FAM227B: variants seen among roughly 807,000 people sequenced by gnomAD.
FAM227B encodes protein FAM227B.
FAM227B carries 88 observed loss-of-function variants against 73.8 expected under a neutral mutation model. The observed-to-expected ratio is 1.19, with a 90% CI of 1.00 to 1.42. FAM227B has a LOEUF of 1.42. FAM227B is among the 40% of genes most tolerant of loss of function. The pLI, the probability that FAM227B is intolerant of heterozygous loss-of-function variation, is 0.00. For synonymous variants in FAM227B, 210 were observed against 190.5 expected, an observed-to-expected ratio of 1.10 and a Z score of -0.84; for missense variants, 632 against 590.9, an observed-to-expected ratio of 1.07 and a Z score of -0.72.
chr15:49,449,399 T>C (rs1192521329), intron 11 of FAM227B, among the ~76,000 whole-genome samples: 1 of 152,040 alleles, frequency 6.6e-6, no homozygotes, highest in Non-Finnish European at 1.5e-5. Flanking sequence ...TTTAATCTTA[T>C]CTTCTCTAGG....
At chr15:49,586,588 C>G (rs1567641283) in intron 5 of FAM227B, among the ~76,000 whole-genome samples, 1 of 152,110 alleles carries the variant, frequency 6.6e-6, no homozygotes, top group Non-Finnish European at 1.5e-5. Flanking sequence ...AAACTACCAA[C>G]AGAGTAAACA....
intron 11 of FAM227B, among the ~76,000 whole-genome samples, chr15:49,503,862 G>A (rs1241551423): frequency 1.3e-5 from 2 of 152,214 alleles, no homozygotes; most frequent in Admixed American, 6.5e-5. Flanking sequence ...GTGGAAGTCA[G>A]TGTGGCGATT....
intron 11 of FAM227B, among the ~76,000 whole-genome samples, chr15:49,406,193 C>T (rs575131957): frequency 3.9e-5 from 6 of 152,174 alleles, no homozygotes; most frequent in Admixed American, 6.5e-5. Flanking sequence ...CTTTTCATAG[C>T]GCAGTGACAG....
intron 5 of FAM227B, among the ~76,000 whole-genome samples, chr15:49,578,078 A>G (rs757270526): frequency 2.0e-5 from 3 of 152,200 alleles, no homozygotes; most frequent in Non-Finnish European, 2.9e-5. Context: ...TGGAGAAATT[A>G]GTTATGATGG....
chr15:49,407,114 A>G (rs36023246), intron 11 of FAM227B, among the ~76,000 whole-genome samples: 42,115 of 152,038 alleles, frequency 0.28, 7,143 homozygotes, highest in Non-Finnish European at 0.38. Flanking sequence ...GCCTAGGAGG[A>G]TGGCTGTCCC....
chr15:49,392,957 ACT>A (rs985354239), intron 11 of FAM227B, among the ~76,000 whole-genome samples: 3 of 152,112 alleles, frequency 2.0e-5, no homozygotes, highest in Non-Finnish European at 4.4e-5. Context: ...CTTTTTGTTA[ACT>A]GAGTGTAGTT....
chr15:49,566,368 C>G (rs1333613810), intron 9 of FAM227B, among the ~76,000 whole-genome samples: 1 of 152,060 alleles, frequency 6.6e-6, no homozygotes, highest in Non-Finnish European at 1.5e-5. Context: ...AAGGGAACTT[C>G]TAAACATTTT....
At chr15:49,544,168 T>C (rs2071487742) in intron 9 of FAM227B, among the ~76,000 whole-genome samples, 1 of 152,206 alleles carries the variant, frequency 6.6e-6, no homozygotes, top group East Asian at 1.9e-4. Context: ...GTGATTTGTT[T>C]CAGCAGTGTT....
At chr15:49,568,084 T>A (rs2074799681) in intron 9 of FAM227B, among the ~76,000 whole-genome samples, 161 bp downstream of exon 9, 1 of 151,998 alleles carries the variant, frequency 6.6e-6, no homozygotes, top group Non-Finnish European at 1.5e-5. Flanking sequence ...TTTTGAGGGG[T>A]TAATAAGAGC....
chr15:49,401,940 A>C (rs2048185664), intron 11 of FAM227B, among the ~76,000 whole-genome samples: 1 of 150,108 alleles, frequency 6.7e-6, no homozygotes, highest in Admixed American at 6.7e-5. Context: ...AGCATGGCAC[A>C]TGTATACATA....
intron 11 of FAM227B, among the ~76,000 whole-genome samples, chr15:49,375,168 G>A (rs1038274904): frequency 2.9e-4 from 44 of 152,128 alleles, no homozygotes; most frequent in African/African-American, 1.0e-3. Context: ...ACTTCACAGA[G>A]AGATTATACA....
At chr15:49,560,963 T>C (rs1264862181) in intron 9 of FAM227B, among the ~76,000 whole-genome samples, 1 of 152,036 alleles carries the variant, frequency 6.6e-6, no homozygotes, top group Non-Finnish European at 1.5e-5. Context: ...ATAAAGCAAG[T>C]ACATAATAGA....
chr15:49,523,886 G>A (rs1300844220), intron 10 of FAM227B, among the ~76,000 whole-genome samples: 1 of 152,204 alleles, frequency 6.6e-6, no homozygotes, highest in Non-Finnish European at 1.5e-5. Flanking sequence ...CTGCCCTAGA[G>A]ATCTGTGGAA....
chr15:49,477,751 A>G (rs1427718626), intron 11 of FAM227B, among the ~76,000 whole-genome samples: 2 of 152,216 alleles, frequency 1.3e-5, no homozygotes, highest in Non-Finnish European at 2.9e-5. Context: ...AGAAACTGCC[A>G]AACTGTCTTC....
At chr15:49,408,015 ATAGTT>A (rs1213284528) in intron 11 of FAM227B, among the ~76,000 whole-genome samples, 2 of 152,104 alleles carry the variant, frequency 1.3e-5, no homozygotes, top group Middle Eastern at 3.2e-3. Context: ...ATACCAGTAA[ATAGTT>A]TATTTTTATT....
intron 2 of FAM227B, among the ~76,000 whole-genome samples, chr15:49,611,858 T>C (rs527932823): frequency 2.0e-5 from 3 of 152,192 alleles, no homozygotes; most frequent in Middle Eastern, 3.4e-3. Flanking sequence ...AAGTCTCCCT[T>C]TCCCAAACCC....
At chr15:49,538,576 T>C (rs1251035639) in intron 10 of FAM227B, among the ~76,000 whole-genome samples, 1 of 152,174 alleles carries the variant, frequency 6.6e-6, no homozygotes, top group African/African-American at 2.4e-5. Context: ...TCTCTCTTCA[T>C]CTGAAAAGGT....
chr15:49,365,632 T>A, intron 13 of FAM227B: 1 of 1,106,138 alleles, frequency 9.0e-7, no homozygotes, highest in Non-Finnish European at 1.4e-6. Flanking sequence ...AAAAAATACA[T>A]CATAGAGGAG....
At chr15:49,472,396 A>T (rs1224269491) in intron 11 of FAM227B, among the ~76,000 whole-genome samples, 1 of 152,188 alleles carries the variant, frequency 6.6e-6, no homozygotes, top group Non-Finnish European at 1.5e-5. Context: ...GTGAGCATAA[A>T]GGGCTTCTGC....
Sources: allele counts gnomAD v4.1 joint callset (sites outside exome capture counted in the v4.1 genomes callset), GRCh38; gene constraint gnomAD v4.1.1; transcripts MANE v1.5; gene names NCBI Gene and HGNC (gene_info 2026-07-23, HGNC 2026-07-21).